Variants in TFDP2 observed in about 807,000 individuals in gnomAD.
TFDP2 encodes transcription factor Dp-2 (E2F dimerization partner 2).
A neutral mutation model predicts 59.3 loss-of-function variants in TFDP2; 17 were observed. The observed-to-expected ratio is 0.29, with a 90% CI of 0.20 to 0.43. The LOEUF is 0.43. Ranked by LOEUF, TFDP2 falls within the 20% of genes least tolerant of loss-of-function variation. The pLI, the probability that TFDP2 is intolerant of heterozygous loss-of-function variation, is 1.00. For missense variants in TFDP2, 391 were observed against 528.8 expected (o/e 0.74, Z 2.56); for synonymous variants, 180 against 194.7 (o/e 0.92, Z 0.63).
At chr3:141,954,488 T>C (rs1936321293) in intron 11 of TFDP2, among the ~76,000 whole-genome samples, 1 of 151,600 alleles carries the variant, frequency 6.6e-6, no homozygotes, top group Non-Finnish European at 1.5e-5. Flanking sequence ...AATACAAAAA[T>C]TAGCCAGGCA....
intron 11 of TFDP2, among the ~76,000 whole-genome samples, chr3:141,958,806 CCCCGT>C (rs1937005542): frequency 6.6e-6 from 1 of 152,180 alleles, no homozygotes; most frequent in East Asian, 1.9e-4. Context: ...TCCAGGTTTA[CCCCGT>C]TCTGCCCTTT....
chr3:141,944,649 T>C lies in TFDP2; in HGVS notation c.*7864A>G, dbSNP rs1935054961. The C allele has an allele frequency of 6.6e-6, 1 of 152,212 alleles. No homozygotes were observed. The highest frequency in any genetic ancestry group is 1.5e-5 in the Non-Finnish European group (1 of 68,030). 9.4% of individuals were successfully genotyped at this position (152,212 alleles called of 1,614,324 possible). A position where few individuals can be genotyped will look rare whatever the true frequency, so the allele number is the denominator to read the frequency against. Reference sequence around the variant, plus strand: ...CCTCCAGCACTTCTGACTGAGCGTCTGGGACGCATCCTAGGATCGCAAAAC... The same window carrying C: ...CCTCCAGCACTTCTGACTGAGCGTCCGGGACGCATCCTAGGATCGCAAAAC... On this transcript the variant is annotated 3_prime_UTR_variant, in exon 13 of 13. Transcript: ENST00000489671.
chr3:142,115,408 T>G (rs903402662), intron 1 of TFDP2, among the ~76,000 whole-genome samples: 22 of 145,332 alleles, frequency 1.5e-4, no homozygotes, highest in African/African-American at 5.3e-4. Flanking sequence ...AAGCTCCACC[T>G]CCCGGATTCA....
chr3:141,973,123 ATTTT>A lies in TFDP2; in HGVS notation c.663+921_663+924del, dbSNP rs761950988. On this transcript the variant is annotated intron_variant, in intron 8 of 12. Coordinates refer to ENST00000489671, the MANE Select transcript of TFDP2 (RefSeq NM_001178139.2). ...TATATATATATATATATATATATAT[ATTTT>A]TTTTTTTTAAAGATGGAGTCTTGCT... Among the ~76,000 whole-genome samples the A allele has an allele frequency of 5.2e-3, 304 of 58,026 alleles. 6 individuals are homozygous for A. The highest frequency in any genetic ancestry group is 0.019 in the African/African-American group (294 of 15,404). The allele number at this position is 58,026 out of a possible 152,430, so 38.1% of individuals were successfully genotyped here. A position where few individuals can be genotyped will look rare whatever the true frequency, so the allele number is the denominator to read the frequency against.
chr3:141,980,055 C>T (rs1941294072), intron 6 of TFDP2, among the ~76,000 whole-genome samples: 1 of 151,346 alleles, frequency 6.6e-6, no homozygotes, highest in Admixed American at 6.6e-5. Flanking sequence ...ATTACAGGTG[C>T]ATGTCACCAT....
At chr3:142,008,206 A>G (rs1944369435) in intron 3 of TFDP2, among the ~76,000 whole-genome samples, 3 of 151,966 alleles carry the variant, frequency 2.0e-5, no homozygotes, top group Non-Finnish European at 4.4e-5. Context: ...TGTTCTCCAG[A>G]CAGTTCCAAT....
intron 10 of TFDP2, among the ~76,000 whole-genome samples, chr3:141,963,080 G>C (rs549686553): frequency 6.6e-6 from 1 of 152,194 alleles, no homozygotes; most frequent in Admixed American, 6.5e-5. Context: ...GCAGCGAAGT[G>C]GGGGAGCCAT....
At chr3:142,110,764 C>T (rs931807526) in intron 1 of TFDP2, among the ~76,000 whole-genome samples, 5 of 151,704 alleles carry the variant, frequency 3.3e-5, no homozygotes, top group African/African-American at 1.2e-4. Flanking sequence ...CTAGCGTGGG[C>T]AAAATAGTAT....
At chr3:142,144,388 G>A (rs2063086917) in intron 1 of TFDP2, among the ~76,000 whole-genome samples, 1 of 151,750 alleles carries the variant, frequency 6.6e-6, no homozygotes, top group African/African-American at 2.4e-5. Flanking sequence ...AAAAAGCGGG[G>A]CAGCAGGGGT....
chr3:141,967,058 A>T (rs1430751333), intron 9 of TFDP2, among the ~76,000 whole-genome samples: 1 of 151,664 alleles, frequency 6.6e-6, no homozygotes, highest in Non-Finnish European at 1.5e-5. Context: ...CTGAGATTTC[A>T]GGTGTGCACC....
chr3:142,128,533 G>A (rs2062361754), intron 1 of TFDP2, among the ~76,000 whole-genome samples: 1 of 152,138 alleles, frequency 6.6e-6, no homozygotes, highest in African/African-American at 2.4e-5. Flanking sequence ...GCTTTTTATT[G>A]ATTCGGTCTT....
At chr3:141,953,875 C>T (rs556122931) in intron 11 of TFDP2, among the ~76,000 whole-genome samples, 28 of 148,496 alleles carry the variant, frequency 1.9e-4, no homozygotes, top group African/African-American at 6.5e-4. Context: ...TTTTAGTCTA[C>T]AGAAAATAGT....
chr3:142,048,712 T>C (rs1198020215), intron 3 of TFDP2, among the ~76,000 whole-genome samples: 2 of 151,922 alleles, frequency 1.3e-5, no homozygotes, highest in South Asian at 2.1e-4. Flanking sequence ...ATTACAGGAG[T>C]ATGCCACCAT....
chr3:141,980,561 GA>G (rs1168315538), intron 6 of TFDP2, among the ~76,000 whole-genome samples: 1 of 151,870 alleles, frequency 6.6e-6, no homozygotes, highest in African/African-American at 2.4e-5. Flanking sequence ...TGTTTGTTTT[GA>G]GAAAGAGTCT....
chr3:142,028,568 ATC>A (rs1214131607), intron 3 of TFDP2: 11 of 985,342 alleles, frequency 1.1e-5, no homozygotes, highest in African/African-American at 8.7e-5. Context: ...AAACAAACTG[ATC>A]TCTCTTACCT....
intron 6 of TFDP2, among the ~76,000 whole-genome samples, chr3:141,987,675 C>T (rs1942261274): frequency 1.3e-5 from 2 of 150,472 alleles, no homozygotes; most frequent in South Asian, 4.2e-4. Flanking sequence ...TGCCTGTAAT[C>T]CCAGCACTTT....
chr3:142,099,699 CAAAAAAAA>C (rs766026708), intron 2 of TFDP2, among the ~76,000 whole-genome samples: 1 of 124,660 alleles, frequency 8.0e-6, no homozygotes, highest in African/African-American at 3.1e-5. Context: ...GACTCCATTT[CAAAAAAAA>C]AAAAAAAGAA....
At chr3:142,099,089 G>T (rs977558089) in intron 2 of TFDP2, among the ~76,000 whole-genome samples, 1 of 152,172 alleles carries the variant, frequency 6.6e-6, no homozygotes, top group Non-Finnish European at 1.5e-5. Flanking sequence ...TTGAATACAT[G>T]GTTAGTAATG....
At chr3:142,060,298 G>A (rs1011137911) in intron 3 of TFDP2, among the ~76,000 whole-genome samples, 15 of 152,156 alleles carry the variant, frequency 9.9e-5, no homozygotes, top group Admixed American at 5.9e-4. Flanking sequence ...GTGAGCCACT[G>A]TGCCCAGCAT....
Sources: allele counts gnomAD v4.1 joint callset (sites outside exome capture counted in the v4.1 genomes callset), GRCh38; gene constraint gnomAD v4.1.1; transcripts MANE v1.5; gene names NCBI Gene and HGNC (gene_info 2026-07-23, HGNC 2026-07-21).